Variants in ERBB4 observed in about 807,000 individuals in gnomAD.
The protein encoded by ERBB4 is receptor tyrosine-protein kinase erbB-4.
In ERBB4, 42 loss-of-function variants were observed where a neutral mutation model predicts 158.0. That is an observed-to-expected ratio of 0.27 (90% CI 0.21 to 0.34). The LOEUF (loss-of-function observed/expected upper bound fraction) is 0.34, where lower values mean the gene tolerates loss of function less well. Ranked by LOEUF, ERBB4 falls within the 10% of genes least tolerant of loss-of-function variation. ERBB4 has a pLI of 1.00. For synonymous variants in ERBB4, 583 were observed against 558.7 expected (o/e 1.04, Z -0.61); for missense variants, 1,333 against 1,624.1 (o/e 0.82, Z 3.08).
intron 1 of ERBB4, among the ~76,000 whole-genome samples, chr2:212,479,767 T>A (rs546797678): frequency 1.2e-4 from 18 of 152,176 alleles, no homozygotes; most frequent in Non-Finnish European, 2.2e-4. Context: ...CTGAGATATA[T>A]GTTTGGTGGA....
intron 19 of ERBB4, among the ~76,000 whole-genome samples, chr2:211,580,732 A>G (rs1290446123): frequency 6.9e-6 from 1 of 144,752 alleles, no homozygotes; most frequent in Non-Finnish European, 1.5e-5. Flanking sequence ...TGCAATTGCA[A>G]AAACGTGGAA....
chr2:211,997,373 C>T (rs1355900467), intron 2 of ERBB4, among the ~76,000 whole-genome samples: 1 of 151,906 alleles, frequency 6.6e-6, no homozygotes, highest in Non-Finnish European at 1.5e-5. Context: ...TACTTCTGAA[C>T]TATTTACTGA....
chr2:211,580,891 ATAT>A (rs2068080635), intron 19 of ERBB4, among the ~76,000 whole-genome samples: 1 of 14,546 alleles, frequency 6.9e-5, no homozygotes, highest in Non-Finnish European at 2.3e-4. Flanking sequence ...ATATATATAT[ATAT>A]ATATATATAT....
Position 212,299,968 on chromosome 2 carries a change from C to A in ERBB4, c.83-175065G>T, listed in dbSNP as rs1396382033. Among the ~76,000 whole-genome samples the A allele has an allele frequency of 2.0e-5, 3 of 151,558 alleles. No homozygotes were observed. In the Admixed American group the frequency reaches 2.0e-4, roughly 10 times the overall value. ...ATGTGACTCACAGAAAACAGCAAATCTTTTCACTAAAATATAAACTCATAG... is the reference window on the plus strand; with the variant it reads ...ATGTGACTCACAGAAAACAGCAAATATTTTCACTAAAATATAAACTCATAG... On this transcript the variant is annotated intron_variant, in intron 1 of 27. Coordinates refer to ENST00000342788, the MANE Select transcript of ERBB4 (RefSeq NM_005235.3).
At chr2:212,223,550 CAT>C (rs926365451) in intron 1 of ERBB4, among the ~76,000 whole-genome samples, 6 of 150,976 alleles carry the variant, frequency 4.0e-5, no homozygotes, top group African/African-American at 9.7e-5. Context: ...AAATTATTCA[CAT>C]GTTTTTCAAT....
At chr2:212,220,754 G>T (rs1048885301) in intron 1 of ERBB4, among the ~76,000 whole-genome samples, 3 of 151,302 alleles carry the variant, frequency 2.0e-5, no homozygotes, top group African/African-American at 7.3e-5. Flanking sequence ...TAATGCTGGG[G>T]TAAAATTTTC....
chr2:212,111,220 TA>T, intron 2 of ERBB4, among the ~76,000 whole-genome samples: 1 of 152,326 alleles, frequency 6.6e-6, no homozygotes, highest in Middle Eastern at 3.4e-3. Flanking sequence ...AGTTAGTTGT[TA>T]AGTCTTTATT....
intron 5 of ERBB4, among the ~76,000 whole-genome samples, chr2:211,727,808 AT>A (rs1304257485): frequency 6.6e-6 from 1 of 152,014 alleles, no homozygotes; most frequent in African/African-American, 2.4e-5. Context: ...CAAACATCAA[AT>A]AAAGTTTAAA....
rs535028819 is a variant in ERBB4 at position 212,218,827 on chromosome 2, A to G, written c.83-93924T>C. On this transcript the variant is annotated intron_variant, in intron 1 of 27. Transcript: ENST00000342788. The stretch of plus-strand genomic sequence containing the variant: ...GTTTCATGTATGTTTCTTAATTTAC[A>G]CATAATATATAGAATGGGGATATTC... 4.6e-5 allele frequency among the ~76,000 whole-genome samples: 7 copies of G among 151,538 alleles called. No homozygotes were observed. The South Asian group carries it at 1.5e-3, about 31-fold the overall frequency.
rs185209419 is a variant in ERBB4, at chr2:212,194,042, G to T, written c.83-69139C>A. 3.3e-3 allele frequency among the ~76,000 whole-genome samples: 507 copies of T among 152,098 alleles called. 1 individual carries two copies. Among genetic ancestry groups the T allele is most frequent in the African/African-American group, 0.012 (489 of 41,518 alleles). ...GGCTAATAAAAAGGACTTTAAAGGT[G>T]CATTAAATTAGGATTTAAGATGTCT... On this transcript the variant is annotated intron_variant, in intron 1 of 27. Coordinates refer to ENST00000342788, the MANE Select transcript of ERBB4 (RefSeq NM_005235.3).
intron 1 of ERBB4, among the ~76,000 whole-genome samples, chr2:212,274,929 T>A (rs1194806676): frequency 6.6e-6 from 1 of 151,744 alleles, no homozygotes; most frequent in Non-Finnish European, 1.5e-5. Context: ...CCTAGACCCC[T>A]ACCCACCAGC....
chr2:211,973,736 T>C (rs2081525406), intron 2 of ERBB4, among the ~76,000 whole-genome samples: 1 of 152,152 alleles, frequency 6.6e-6, no homozygotes, highest in Admixed American at 6.5e-5. Flanking sequence ...ACTGGGTATA[T>C]ACCCAAAGGA....
At chr2:212,173,419 T>C (rs1282602694) in intron 1 of ERBB4, among the ~76,000 whole-genome samples, 1 of 152,046 alleles carries the variant, frequency 6.6e-6, no homozygotes, top group Admixed American at 6.6e-5. Context: ...CCTTGAAGCA[T>C]TATCCAGGAA....
At chr2:211,927,133 A>T (rs1037561301) in intron 3 of ERBB4, among the ~76,000 whole-genome samples, 1 of 152,172 alleles carries the variant, frequency 6.6e-6, no homozygotes, top group African/African-American at 2.4e-5. Flanking sequence ...ATTGTAAATG[A>T]CTATACAAAG....
At chr2:212,130,709 A>T (rs1027323941) in intron 1 of ERBB4, among the ~76,000 whole-genome samples, 1 of 152,178 alleles carries the variant, frequency 6.6e-6, no homozygotes, top group Non-Finnish European at 1.5e-5. Context: ...TTAAGAAATG[A>T]ATAATTATTT....
intron 2 of ERBB4, among the ~76,000 whole-genome samples, chr2:212,083,030 T>C (rs1176159829): frequency 2.0e-5 from 3 of 151,942 alleles, no homozygotes; most frequent in Admixed American, 6.6e-5. Context: ...ATAAGTAACC[T>C]AGTATCATAT....
intron 1 of ERBB4, among the ~76,000 whole-genome samples, chr2:212,511,994 G>A (rs1691548653): frequency 6.6e-6 from 1 of 152,136 alleles, no homozygotes; most frequent in Admixed American, 6.5e-5. Context: ...TCATTAGAGA[G>A]TTTCTCTGGA....
Position 211,379,277 on chromosome 2 carries a change from A to C in ERBB4, c.*4338T>G. On this transcript the variant is annotated 3_prime_UTR_variant, in exon 28 of 28. Transcript: ENST00000342788. Reference sequence around the variant, plus strand: ...GTAATAGAACATTTACATTTTCTTTACTTCATCTTGAAGACCCTTACTTAG... The same window carrying C: ...GTAATAGAACATTTACATTTTCTTTCCTTCATCTTGAAGACCCTTACTTAG... 1 of 228,648 alleles carries C rather than the reference A, an allele frequency of 4.4e-6. No individual in the cohort carries two copies. Among genetic ancestry groups the C allele is most frequent in the Non-Finnish European group, 8.7e-6 (1 of 115,510 alleles). 14.2% of individuals were successfully genotyped at this position (228,648 alleles called of 1,614,324 possible). A position where few individuals can be genotyped will look rare whatever the true frequency, so the allele number is the denominator to read the frequency against.
At chr2:212,070,762 A>T (rs1227322683) in intron 2 of ERBB4, among the ~76,000 whole-genome samples, 2 of 151,966 alleles carry the variant, frequency 1.3e-5, no homozygotes, top group Non-Finnish European at 1.5e-5. Context: ...GTAGATCTTC[A>T]TGACTTTGGG....
Sources: gnomAD v4.1 joint callset for allele counts (sites outside exome capture counted in the v4.1 genomes callset) on GRCh38, gnomAD v4.1.1 for gene constraint, MANE v1.5 for transcripts, NCBI Gene and HGNC (gene_info 2026-07-23, HGNC 2026-07-21) for gene names.